NUP54: variants seen among roughly 807,000 people sequenced by gnomAD.
NUP54 encodes nucleoporin 54.
A neutral mutation model predicts 66.4 loss-of-function variants in NUP54; 27 were observed. The observed-to-expected ratio is 0.41, with a 90% CI of 0.30 to 0.56. The LOEUF (loss-of-function observed/expected upper bound fraction) is 0.56, where lower values mean the gene tolerates loss of function less well. Ranked by LOEUF, NUP54 falls within the 20% of genes least tolerant of loss-of-function variation. The probability of loss-of-function intolerance (pLI) is 0.34; values close to 1 mark genes in which losing one functional copy is unlikely to be tolerated. For missense variants in NUP54, 486 were observed against 596.3 expected (o/e 0.82, Z 1.93); for synonymous variants, 206 against 210.7 (o/e 0.98, Z 0.19).
At chr4:76,144,324 A>T (rs774132455) in intron 2 of NUP54, 32 bp from the exon 3 acceptor site, 3 of 52,336 alleles carry the variant, frequency 5.7e-5, no homozygotes, top group African/African-American at 3.2e-4. Flanking sequence ...TTCGTAAGTT[A>T]AAAAAAAAAA....
intron 11 of NUP54, among the ~76,000 whole-genome samples, chr4:76,115,813 C>A (rs1404640910): frequency 1.3e-5 from 2 of 152,092 alleles, no homozygotes; most frequent in Admixed American, 1.3e-4. Flanking sequence ...AGGAGGTATT[C>A]AAATATAGAT....
chr4:76,128,589 T>C (rs1002227690), intron 8 of NUP54, among the ~76,000 whole-genome samples: 4 of 152,142 alleles, frequency 2.6e-5, no homozygotes, highest in African/African-American at 9.7e-5. Context: ...AGGTATGCCA[T>C]ACAAACACTT....
At chr4:76,130,898 C>G in intron 7 of NUP54, 149 bp from the exon 8 acceptor site, 1 of 621,870 alleles carries the variant, frequency 1.6e-6, no homozygotes, top group Non-Finnish European at 2.9e-6. Flanking sequence ...CATGTTATAC[C>G]AAAGAGATTT....
At chr4:76,131,862 T>C (rs975719926) in intron 6 of NUP54, among the ~76,000 whole-genome samples, 4 of 152,064 alleles carry the variant, frequency 2.6e-5, no homozygotes, top group Admixed American at 1.3e-4. Flanking sequence ...CAGTTTATAA[T>C]AGTAAAAAGA....
At chr4:76,129,597 G>A (rs367569948) in intron 8 of NUP54, among the ~76,000 whole-genome samples, 1 of 152,182 alleles carries the variant, frequency 6.6e-6, no homozygotes, top group East Asian at 1.9e-4. Context: ...GGGCGCAGTG[G>A]CTCACGCCTG....
chr4:76,138,326 T>C (rs1203539101), intron 3 of NUP54, among the ~76,000 whole-genome samples: 1 of 148,194 alleles, frequency 6.7e-6, no homozygotes, highest in Non-Finnish European at 1.5e-5. Flanking sequence ...CCTCCCATGC[T>C]GTTGATTATT....
At chr4:76,132,765 A>C in intron 5 of NUP54, 46 bp from the exon 6 acceptor site, 36 of 1,432,844 alleles carry the variant, frequency 2.5e-5, no homozygotes, top group Middle Eastern at 1.8e-4. Context: ...CACAAAACTC[A>C]TAGCGACAAA....
rs115880946 is a variant in NUP54 at position 76,126,934 on chromosome 4, G to A, written c.1057-2178C>T. On this transcript the variant is annotated intron_variant, in intron 8 of 11. Transcript: ENST00000264883. ...AGAAAACTTTGAAAAGAAGAACCAA[G>A]ATTAGAGATTCATGCTACTAGATAT... Among the ~76,000 whole-genome samples, 1,205 of 152,054 alleles carry A rather than the reference G, an allele frequency of 7.9e-3. 11 individuals carry two copies. The highest frequency in any genetic ancestry group is 0.028 in the African/African-American group (1,156 of 41,460).
intron 3 of NUP54, among the ~76,000 whole-genome samples, chr4:76,142,560 A>T (rs111307143): frequency 9.2e-5 from 14 of 152,350 alleles, no homozygotes; most frequent in African/African-American, 3.4e-4. Flanking sequence ...ACAATCTCTC[A>T]GGTTCCTCTC....
chr4:76,119,312 G>GCA (rs950903117), intron 9 of NUP54, among the ~76,000 whole-genome samples: 2 of 151,916 alleles, frequency 1.3e-5, no homozygotes, highest in Non-Finnish European at 2.9e-5. Context: ...TACAGAGAGA[G>GCA]CACACACACA....
In NUP54 at chr4:76,124,570, ATTTTAAAAATCTATAT is replaced by A; in HGVS notation, c.1164+63_1164+78del. The A allele has an allele frequency of 6.1e-6, 3 of 492,158 alleles. No individual in the cohort carries two copies. The Admixed American group carries it at 1.0e-4, about 17-fold the overall frequency. 30.5% of individuals were successfully genotyped at this position (492,158 alleles called of 1,614,324 possible). On this transcript the variant is annotated intron_variant, in intron 9 of 11. Transcript: ENST00000264883. Reference sequence around the variant, plus strand: ...CTTTCATTTTAGTATTTTTTTTTCTATTTTAAAAATCTATATTTAGTACATTATTTCACACACATAG... The same window carrying A: ...CTTTCATTTTAGTATTTTTTTTTCTATTAGTACATTATTTCACACACATAG...
chr4:76,134,096 C>G, intron 5 of NUP54, 79 bp downstream of exon 5: 1 of 980,982 alleles, frequency 1.0e-6, no homozygotes. Flanking sequence ...TGTGCTTTAG[C>G]AACAAAAACA....
chr4:76,118,583 G>GGGGGGGGGGT (rs1553941253), intron 9 of NUP54: 10 of 93,280 alleles, frequency 1.1e-4, no homozygotes, highest in African/African-American at 4.3e-4. Flanking sequence ...TGGGGGGGGG[G>GGGGGGGGGGT]GTCTCACTAT....
chr4:76,124,585 ATT>A, intron 9 of NUP54, 62 bp downstream of exon 9: 1 of 435,738 alleles, frequency 2.3e-6, no homozygotes, highest in East Asian at 7.0e-5. Flanking sequence ...AAAAATCTAT[ATT>A]TAGTACATTA....
intron 8 of NUP54, among the ~76,000 whole-genome samples, chr4:76,126,928 A>G (rs1420875793): frequency 6.6e-6 from 1 of 152,176 alleles, no homozygotes; most frequent in African/African-American, 2.4e-5. Flanking sequence ...TGAAAAGAAG[A>G]ACCAAGATTA....
chr4:76,134,397 T>C (rs1730942701), intron 4 of NUP54, 35 bp from the exon 5 acceptor site: 3 of 1,524,802 alleles, frequency 2.0e-6, no homozygotes, highest in African/African-American at 2.8e-5. Context: ...ATAAAAAATA[T>C]GTACAGATCT....
chr4:76,143,917 A>G (rs1052694442), intron 3 of NUP54, among the ~76,000 whole-genome samples: 1 of 152,198 alleles, frequency 6.6e-6, no homozygotes, highest in Non-Finnish European at 1.5e-5. Context: ...ATTTTTAACA[A>G]CAAAAATTTA....
intron 8 of NUP54, among the ~76,000 whole-genome samples, chr4:76,130,270 T>C (rs930363979): frequency 6.6e-6 from 1 of 152,106 alleles, no homozygotes; most frequent in East Asian, 1.9e-4. Flanking sequence ...AAATAAAATA[T>C]TAAGTATATT....
intron 8 of NUP54, among the ~76,000 whole-genome samples, chr4:76,129,625 G>A (rs936705795): frequency 6.6e-6 from 1 of 152,146 alleles, no homozygotes; most frequent in Non-Finnish European, 1.5e-5. Flanking sequence ...AGCACTTTCG[G>A]GAGGCCGAGA....
Sources: gnomAD v4.1 joint callset for allele counts (sites outside exome capture counted in the v4.1 genomes callset) on GRCh38, gnomAD v4.1.1 for gene constraint, MANE v1.5 for transcripts, NCBI Gene and HGNC (gene_info 2026-07-23, HGNC 2026-07-21) for gene names.